The following ANKRD34C variants were observed in gnomAD, a reference collection of about 807,000 sequenced individuals.
ANKRD34C encodes ankyrin repeat domain 34C.
For synonymous variants in ANKRD34C, 260 were observed against 253.6 expected, an observed-to-expected ratio of 1.03 and a Z score of -0.24; for missense variants, 563 against 653.0, an observed-to-expected ratio of 0.86 and a Z score of 1.50.
In ANKRD34C at chr15:79,293,836, G is replaced by A. The variant is rs1382773333; in HGVS notation, c.552G>A (p.Leu184=). ...PKVEDRHSPP[L]CASPSDIELK... Reference sequence around the variant, plus strand: ...TAGAAGACAGGCATTCACCTCCACTGTGTGCGTCTCCCTCTGACATAGAGC... The same window carrying A: ...TAGAAGACAGGCATTCACCTCCACTATGTGCGTCTCCCTCTGACATAGAGC... The change falls in exon 2 of 2, where the codon CTG becomes CTA. Residue 184 remains leucine, a synonymous_variant. Transcript: ENST00000421388. The A allele has an allele frequency of 6.4e-7, 1 of 1,551,726 alleles. No homozygotes were observed. The highest frequency in any genetic ancestry group is 2.0e-5 in the Admixed American group (1 of 51,012).
At position 79,293,387 on chromosome 15, in the gene ANKRD34C, G is replaced by A; in HGVS notation, c.103G>A (p.Ala35Thr). The A allele has an allele frequency of 6.4e-7, 1 of 1,551,670 alleles. No homozygotes were observed. The highest frequency in any genetic ancestry group is 1.2e-5 in the South Asian group (1 of 84,060). The change falls in exon 2 of 2, where the codon GCT (alanine) becomes ACT (threonine). Residue 35 changes from alanine (A) to threonine (T), a missense_variant. Ala to Thr is a moderately conservative substitution (Grantham distance 58, BLOSUM62 0). Transcript: ENST00000421388. The stretch of plus-strand genomic sequence containing the variant: ...GACCAGGCTGCTCTTGGAAGGGGGA[G>A]CTTATATCAATGAAAGCAATGACAA... Reference protein sequence around the residue: ...RLTRLLLEGGAYINESNDKGE... With the variant: ...RLTRLLLEGGTYINESNDKGE...
rs527908187 is a variant in ANKRD34C, at chr15:79,295,792, A to G, written c.*900A>G. ...AATGACAACTGAGGATGAGATGTGCATAGATTAAATGGTAAAGTGGGTGGT... is the reference window on the plus strand; with the variant it reads ...AATGACAACTGAGGATGAGATGTGCGTAGATTAAATGGTAAAGTGGGTGGT... On this transcript the variant is annotated 3_prime_UTR_variant, in exon 2 of 2. Coordinates refer to ENST00000421388, the MANE Select transcript of ANKRD34C (RefSeq NM_001146341.2). The G allele has an allele frequency of 3.6e-5, 6 of 166,954 alleles. No individual in the cohort carries two copies. Among genetic ancestry groups the G allele is most frequent in the African/African-American group, 1.2e-4 (5 of 41,586 alleles). 10.3% of individuals were successfully genotyped at this position (166,954 alleles called of 1,614,324 possible). A position where few individuals can be genotyped will look rare whatever the true frequency, so the allele number is the denominator to read the frequency against.
At position 79,294,179 on chromosome 15, in the gene ANKRD34C, A is replaced by G. The variant is rs1357110348; in HGVS notation, c.895A>G (p.Thr299Ala). ...CCCTAAAAGGGGGCCCCTCTCCAGA[A>G]CCAACAGTATCGATAGCAAAGACCC... is the stretch of plus-strand genomic sequence containing the variant. ...SFPKRGPLSR[T>A]NSIDSKDPTL... Residue 299 changes from threonine to alanine, a missense_variant, in exon 2 of 2, where the codon ACC becomes GCC. By Grantham distance (58) the Thr-to-Ala change is moderately conservative. Coordinates refer to ENST00000421388, the MANE Select transcript of ANKRD34C (RefSeq NM_001146341.2). 2 of 1,551,614 alleles carry G rather than the reference A, an allele frequency of 1.3e-6. No homozygotes were observed. The highest frequency in any genetic ancestry group is 2.0e-5 in the Admixed American group (1 of 51,004).
At position 79,294,314 on chromosome 15, in the gene ANKRD34C, G is replaced by T. The variant is rs1249136176; in HGVS notation, c.1030G>T (p.Ala344Ser). Residue 344 changes from alanine to serine, a missense_variant, in exon 2 of 2, where the codon GCC (alanine) becomes TCC (serine). Coordinates refer to ENST00000421388, the MANE Select transcript of ANKRD34C (RefSeq NM_001146341.2). ...EKGQAPHPRL[A>S]RRGTLPVDQE... ...AGGTCAGGCTCCCCACCCACGTCTG[G>T]CCAGGAGAGGAACTCTCCCTGTTGA... 1.3e-6 allele frequency: 2 copies of T among 1,551,656 alleles called. No homozygotes were observed. The highest frequency in any genetic ancestry group is 2.4e-5 in the East Asian group (1 of 40,914).
rs1359263742 is a variant in ANKRD34C at position 79,293,727 on chromosome 15, A to C, written c.443A>C (p.Glu148Ala). 1 of 1,551,750 alleles carries C rather than the reference A, an allele frequency of 6.4e-7. No homozygotes were observed. The change falls in exon 2 of 2, where the codon GAG becomes GCG. Residue 148 changes from glutamate (E) to alanine (A), a missense_variant. Coordinates refer to ENST00000421388, the MANE Select transcript of ANKRD34C (RefSeq NM_001146341.2). ...LLDACKAKGK[E>A]VIIITTDKSS... ...GATGCCTGCAAAGCCAAAGGGAAGGAGGTGATTATTATAACAACAGATAAA... is the reference window on the plus strand; with the variant it reads ...GATGCCTGCAAAGCCAAAGGGAAGGCGGTGATTATTATAACAACAGATAAA...
chr15:79,293,751 A>C lies in ANKRD34C; in HGVS notation c.467A>C (p.Lys156Thr). 1 of 1,551,718 alleles carries C rather than the reference A, an allele frequency of 6.4e-7. No homozygotes were observed. Among genetic ancestry groups the C allele is most frequent in the East Asian group, 2.4e-5 (1 of 40,922 alleles). The change falls in exon 2 of 2, where the codon AAA becomes ACA. Residue 156 changes from lysine (K) to threonine (T), a missense_variant. Physicochemically the swap from Lys to Thr is moderately conservative, Grantham distance 78 (BLOSUM62 -1). Transcript: ENST00000421388. Reference protein sequence around the residue: ...GKEVIIITTDKSSSGTKTTKQ... With the variant: ...GKEVIIITTDTSSSGTKTTKQ... Reference sequence around the variant, plus strand: ...GAGGTGATTATTATAACAACAGATAAATCGTCTTCAGGCACCAAAACCACC... The same window carrying C: ...GAGGTGATTATTATAACAACAGATACATCGTCTTCAGGCACCAAAACCACC...
rs1596041441 is a variant in ANKRD34C at position 79,295,975 on chromosome 15, C to A, written c.*1083C>A. 6.0e-6 allele frequency: 1 copy of A among 167,174 alleles called. No homozygotes were observed. Among genetic ancestry groups the A allele is most frequent in the East Asian group, 1.9e-4 (1 of 5,194 alleles). 10.4% of individuals were successfully genotyped at this position (167,174 alleles called of 1,614,324 possible). ...GGTGAGAAGAGATTTGTAGAAATAA[C>A]CTGCACAACCCTTTTAGGCTGCTTT... On this transcript the variant is annotated 3_prime_UTR_variant, in exon 2 of 2. Coordinates refer to ENST00000421388, the MANE Select transcript of ANKRD34C (RefSeq NM_001146341.2).
At chr15:79,283,623 T>A (rs933309104) in intron 1 of ANKRD34C, 3 of 152,196 alleles carry the variant, frequency 2.0e-5, no homozygotes, top group African/African-American at 7.2e-5. Flanking sequence ...TAAGCATTTC[T>A]GAGAAATGAT....
chr15:79,297,377 T>C lies in ANKRD34C; in HGVS notation c.*2485T>C, dbSNP rs1215490622. ...GTTGTGAGTATAGCAAGACACTGCA[T>C]AGGAGCATTTTTTTTCTAAACCTTT... On this transcript the variant is annotated 3_prime_UTR_variant, in exon 2 of 2. Coordinates refer to ENST00000421388, the MANE Select transcript of ANKRD34C (RefSeq NM_001146341.2). The C allele has an allele frequency of 6.0e-6, 1 of 167,130 alleles. No individual in the cohort carries two copies. The highest frequency in any genetic ancestry group is 1.9e-4 in the East Asian group (1 of 5,208). The allele number at this position is 167,130 out of a possible 1,614,324, so 10.4% of individuals were successfully genotyped here.
rs1423616225 is a variant in ANKRD34C, at chr15:79,296,248, G to A, written c.*1356G>A. On this transcript the variant is annotated 3_prime_UTR_variant, in exon 2 of 2. Coordinates refer to ENST00000421388, the MANE Select transcript of ANKRD34C (RefSeq NM_001146341.2). The stretch of plus-strand genomic sequence containing the variant: ...TTTACCAGCTGCGTGACCTTGAGGA[G>A]GCAGCTTAACTTCTCTTAGTCTCTG... 1 of 166,626 alleles carries A rather than the reference G, an allele frequency of 6.0e-6. No individual in the cohort carries two copies. Among genetic ancestry groups the A allele is most frequent in the Non-Finnish European group, 1.5e-5 (1 of 68,116 alleles). 10.3% of individuals were successfully genotyped at this position (166,626 alleles called of 1,614,324 possible).
chr15:79,294,079 C>T lies in ANKRD34C; in HGVS notation c.795C>T (p.Ala265=). 6.4e-7 allele frequency: 1 copy of T among 1,551,552 alleles called. No homozygotes were observed. The highest frequency in any genetic ancestry group is 8.7e-7 in the Non-Finnish European group (1 of 1,147,000). The change falls in exon 2 of 2, where the codon GCC becomes GCT. Residue 265 remains alanine, a synonymous_variant. Transcript: ENST00000421388. ...TGATAGCGCCCTCGGTGCTGGCAGC[C>T]TCGACGCGTCAGGATGAGACCCATG... ...WGLIAPSVLA[A]STRQDETHGA...
intron 1 of ANKRD34C, among the ~76,000 whole-genome samples, chr15:79,284,619 GC>G (rs1178257957): frequency 6.6e-6 from 1 of 152,212 alleles, no homozygotes; most frequent in African/African-American, 2.4e-5. Flanking sequence ...ACAGAGCGGG[GC>G]TCAGTGGGAG....
chr15:79,291,420 A>G (rs923580192), intron 1 of ANKRD34C, among the ~76,000 whole-genome samples: 2 of 152,156 alleles, frequency 1.3e-5, no homozygotes, highest in African/African-American at 4.8e-5. Flanking sequence ...TAGTCTTTGG[A>G]AATTCTGCTT....
rs894698338 is a variant in ANKRD34C, at chr15:79,298,106, G to C, written c.*3214G>C. 3 of 166,886 alleles carry C rather than the reference G, an allele frequency of 1.8e-5. No homozygotes were observed. Among genetic ancestry groups the C allele is most frequent in the African/African-American group, 7.3e-5 (3 of 41,378 alleles). The allele number at this position is 166,886 out of a possible 1,614,324, so 10.3% of individuals were successfully genotyped here. Reference sequence around the variant, plus strand: ...TGGTGCCTCAGATGTATCATGTGCTGCTTGAACTGATTCTCTACAGTGTTC... The same window carrying C: ...TGGTGCCTCAGATGTATCATGTGCTCCTTGAACTGATTCTCTACAGTGTTC... On this transcript the variant is annotated 3_prime_UTR_variant, in exon 2 of 2. Transcript: ENST00000421388.
At position 79,291,558 on chromosome 15, in the gene ANKRD34C, T is replaced by TCACACACACA. The variant is rs138141895; in HGVS notation, c.-44-1648_-44-1639dup. Among the ~76,000 whole-genome samples the TCACACACACA allele has an allele frequency of 8.7e-3, 442 of 50,844 alleles. 3 individuals are homozygous for TCACACACACA. The highest frequency in any genetic ancestry group is 0.021 in the East Asian group (54 of 2,618). 33.4% of individuals were successfully genotyped at this position (50,844 alleles called of 152,430 possible). A position where few individuals can be genotyped will look rare whatever the true frequency, so the allele number is the denominator to read the frequency against. ...CAGAAAGAGAGGAGAGAAAGACCAT[T>TCACACACACA]CACACACACACACACACACACACAC... On this transcript the variant is annotated intron_variant, in intron 1 of 1. Coordinates refer to ENST00000421388, the MANE Select transcript of ANKRD34C (RefSeq NM_001146341.2).
intron 1 of ANKRD34C, among the ~76,000 whole-genome samples, chr15:79,286,762 C>T (rs1712579872): frequency 6.6e-6 from 1 of 152,160 alleles, no homozygotes; most frequent in African/African-American, 2.4e-5. Flanking sequence ...ATGTCACTCT[C>T]TTCCTTAAAA....
At position 79,295,831 on chromosome 15, in the gene ANKRD34C, G is replaced by A. The variant is rs1437075113; in HGVS notation, c.*939G>A. The A allele has an allele frequency of 6.0e-6, 1 of 166,988 alleles. No individual in the cohort carries two copies. Among genetic ancestry groups the A allele is most frequent in the Non-Finnish European group, 1.5e-5 (1 of 68,126 alleles). The allele number at this position is 166,988 out of a possible 1,614,324, so 10.3% of individuals were successfully genotyped here. A position where few individuals can be genotyped will look rare whatever the true frequency, so the allele number is the denominator to read the frequency against. Reference sequence around the variant, plus strand: ...AAAGTGGGTGGTTCTCAGGTGAGAAGCAGTGAGGACCATTCATTTTGCAGC... The same window carrying A: ...AAAGTGGGTGGTTCTCAGGTGAGAAACAGTGAGGACCATTCATTTTGCAGC... On this transcript the variant is annotated 3_prime_UTR_variant, in exon 2 of 2. Coordinates refer to ENST00000421388, the MANE Select transcript of ANKRD34C (RefSeq NM_001146341.2).
Position 79,294,368 on chromosome 15 carries a change from G to C in ANKRD34C, c.1084G>C (p.Gly362Arg). 1 of 1,551,616 alleles carries C rather than the reference G, an allele frequency of 6.4e-7. No homozygotes were observed. The highest frequency in any genetic ancestry group is 8.7e-7 in the Non-Finnish European group (1 of 1,146,968). ...DQEKCGMGPS[G>R]PSALKEPASL... The stretch of plus-strand genomic sequence containing the variant: ...AGAGAAATGTGGTATGGGTCCATCA[G>C]GACCCTCTGCTCTCAAAGAGCCTGC... Residue 362 changes from glycine to arginine, a missense_variant, in exon 2 of 2, where the codon GGA (glycine) becomes CGA (arginine). Gly to Arg is a moderately radical substitution (Grantham distance 125). Transcript: ENST00000421388.
intron 1 of ANKRD34C, among the ~76,000 whole-genome samples, chr15:79,287,867 C>T (rs1413375292): frequency 6.6e-6 from 1 of 152,242 alleles, no homozygotes; most frequent in Non-Finnish European, 1.5e-5. Context: ...GCAGCTCTTA[C>T]ATCCAGAGTT....
Sources: gnomAD v4.1 joint callset for allele counts (sites outside exome capture counted in the v4.1 genomes callset) on GRCh38, gnomAD v4.1.1 for gene constraint, MANE v1.5 for transcripts, NCBI Gene and HGNC (gene_info 2026-07-23, HGNC 2026-07-21) for gene names.